DLG2: variants seen among roughly 807,000 people sequenced by gnomAD.
DLG2 encodes discs large MAGUK scaffold protein 2, also known as disks large homolog 2.
Under a neutral mutation model 132.5 loss-of-function variants are expected in DLG2, and 45 were observed. The observed-to-expected ratio is 0.34, with a 90% CI of 0.27 to 0.44. The LOEUF (loss-of-function observed/expected upper bound fraction) is 0.44, where lower values mean the gene tolerates loss of function less well. Among genes scored for constraint, DLG2 ranks in the 20% least tolerant of loss-of-function variants. The pLI is 1.00. For synonymous variants in DLG2, 424 were observed against 419.6 expected, an observed-to-expected ratio of 1.01 and a Z score of -0.13; for missense variants, 1,045 against 1,196.9, an observed-to-expected ratio of 0.87 and a Z score of 1.87.
chr11:84,211,249 T>G (rs2096750629), intron 8 of DLG2, among the ~76,000 whole-genome samples: 1 of 152,198 alleles, frequency 6.6e-6, no homozygotes, highest in Non-Finnish European at 1.5e-5. Flanking sequence ...ATTCCTCTCT[T>G]ATGGCATTCC....
At position 83,828,412 on chromosome 11, in the gene DLG2, A is replaced by G. The variant is rs1197375938; in HGVS notation, c.1722+5202T>C. Reference sequence around the variant, plus strand: ...CGTCACAAATAATAATAACAAATCTACTCGAGCATTTCCCACTACTGGTGT... The same window carrying G: ...CGTCACAAATAATAATAACAAATCTGCTCGAGCATTTCCCACTACTGGTGT... On this transcript the variant is annotated intron_variant, in intron 17 of 27. Coordinates refer to ENST00000376104, the MANE Select transcript of DLG2 (RefSeq NM_001142699.3). 2.0e-5 allele frequency among the ~76,000 whole-genome samples: 3 copies of G among 152,030 alleles called. No homozygotes were observed. In the East Asian group the frequency reaches 5.8e-4, roughly 29 times the overall value.
chr11:84,575,724 T>A (rs2099498185), intron 6 of DLG2, among the ~76,000 whole-genome samples: 1 of 152,180 alleles, frequency 6.6e-6, no homozygotes, highest in African/African-American at 2.4e-5. Context: ...AATGTATAAT[T>A]ATTATTATTG....
At chr11:84,706,994 A>AATTGCAGAACACCT (rs2059854308) in intron 6 of DLG2, among the ~76,000 whole-genome samples, 1 of 151,836 alleles carries the variant, frequency 6.6e-6, no homozygotes, top group Non-Finnish European at 1.5e-5. Flanking sequence ...GCTTATTCAA[A>AATTGCAGAACACCT]ATTGCAGAAC....
chr11:85,349,410 CT>C (rs1227973612), intron 3 of DLG2, among the ~76,000 whole-genome samples: 2 of 151,660 alleles, frequency 1.3e-5, no homozygotes, highest in East Asian at 1.9e-4. Flanking sequence ...CCTGGATGGA[CT>C]TTTTTTTATT....
chr11:84,924,015 T>A (rs1301286463), intron 6 of DLG2, among the ~76,000 whole-genome samples: 1 of 152,006 alleles, frequency 6.6e-6, no homozygotes, highest in Non-Finnish European at 1.5e-5. Flanking sequence ...TAGCAACTGC[T>A]GCTGAATGTA....
At chr11:84,378,064 G>A (rs2098736083) in intron 7 of DLG2, among the ~76,000 whole-genome samples, 4 of 152,164 alleles carry the variant, frequency 2.6e-5, no homozygotes, top group South Asian at 4.1e-4. Context: ...TAGACTGAAT[G>A]TTTATGTTCT....
chr11:84,648,397 C>G lies in DLG2; in HGVS notation c.358-113666G>C, dbSNP rs138783914. 2.6e-4 allele frequency among the ~76,000 whole-genome samples: 39 copies of G among 152,258 alleles called. No individual in the cohort carries two copies. In the East Asian group the frequency reaches 5.8e-3, roughly 23 times the overall value. On this transcript the variant is annotated intron_variant, in intron 6 of 27. Transcript: ENST00000376104. ...AATGCTAGTGCTTCCCAGTCTAATA[C>G]AGAGATGCAAGTAGATAAAATTTGT...
intron 4 of DLG2, among the ~76,000 whole-genome samples, chr11:85,184,394 T>C (rs2079942383): frequency 6.6e-6 from 1 of 151,660 alleles, no homozygotes; most frequent in Admixed American, 6.6e-5. Flanking sequence ...GGAATTTCTA[T>C]TATGCCAAGG....
At chr11:85,210,370 C>A (rs1004938911) in intron 4 of DLG2, among the ~76,000 whole-genome samples, 1 of 152,088 alleles carries the variant, frequency 6.6e-6, no homozygotes, top group Admixed American at 6.6e-5. Context: ...TCCCTCAGAG[C>A]CTTTGTATTG....
At chr11:83,866,043 C>T (rs1287896733) in intron 16 of DLG2, among the ~76,000 whole-genome samples, 1 of 152,084 alleles carries the variant, frequency 6.6e-6, no homozygotes, top group Non-Finnish European at 1.5e-5. Context: ...AGTCAGATGC[C>T]CTATTATAGG....
At position 85,121,583 on chromosome 11, in the gene DLG2, A is replaced by C. The variant is rs560645789; in HGVS notation, c.283-9848T>G. On this transcript the variant is annotated intron_variant, in intron 5 of 27. Coordinates refer to ENST00000376104, the MANE Select transcript of DLG2 (RefSeq NM_001142699.3). ...AAGTATTTTGTACTTAAATTTTAGA[A>C]ATTTCAATTATGATCATGATAATTT... 5.3e-5 allele frequency among the ~76,000 whole-genome samples: 8 copies of C among 152,152 alleles called. No homozygotes were observed. In the East Asian group the frequency reaches 1.5e-3, roughly 29 times the overall value.
rs139211985 is a variant in DLG2, at chr11:84,930,431, A to C, written c.357+181230T>G. On this transcript the variant is annotated intron_variant, in intron 6 of 27. Transcript: ENST00000376104. ...GCAGCTGGAAAAAAATTAATGAAAA[A>C]CCTCAAAAAGGCTCCAACACTGCCT... Among the ~76,000 whole-genome samples, 635 of 151,984 alleles carry C rather than the reference A, an allele frequency of 4.2e-3. 29 individuals are homozygous for C. The highest frequency in any genetic ancestry group is 0.032 in the Admixed American group (488 of 15,230).
At chr11:83,501,687 G>C (rs549026853) in intron 21 of DLG2, among the ~76,000 whole-genome samples, 14 of 152,180 alleles carry the variant, frequency 9.2e-5, no homozygotes, top group African/African-American at 3.1e-4. Context: ...CTAATTGAGG[G>C]TATTATTTTG....
At chr11:83,898,529 A>T (rs2072443108) in intron 15 of DLG2, among the ~76,000 whole-genome samples, 1 of 152,116 alleles carries the variant, frequency 6.6e-6, no homozygotes, top group African/African-American at 2.4e-5. Flanking sequence ...AGTCTATGCT[A>T]GTATTGATCA....
chr11:84,027,485 T>A (rs905359331), intron 11 of DLG2, among the ~76,000 whole-genome samples: 7 of 151,580 alleles, frequency 4.6e-5, no homozygotes, highest in African/African-American at 7.2e-5. Flanking sequence ...GAGACAAATT[T>A]AAAAAAAAAT....
At chr11:84,579,079 C>T (rs560712438) in intron 6 of DLG2, among the ~76,000 whole-genome samples, 5 of 152,220 alleles carry the variant, frequency 3.3e-5, no homozygotes, top group African/African-American at 1.2e-4. Context: ...TCTGAGGCCT[C>T]CTCAGCCATG....
intron 17 of DLG2, among the ~76,000 whole-genome samples, chr11:83,830,225 G>A (rs2054091530): frequency 6.6e-6 from 1 of 152,170 alleles, no homozygotes; most frequent in Admixed American, 6.5e-5. Context: ...GTTATATTCT[G>A]TGAATTATAA....
chr11:84,358,172 T>G (rs1039054549), intron 7 of DLG2, among the ~76,000 whole-genome samples: 1 of 151,982 alleles, frequency 6.6e-6, no homozygotes, highest in Non-Finnish European at 1.5e-5. Flanking sequence ...CACATACTCA[T>G]GCACACTTTC....
At chr11:85,565,639 A>C (rs974310671) in intron 3 of DLG2, among the ~76,000 whole-genome samples, 1 of 152,102 alleles carries the variant, frequency 6.6e-6, no homozygotes, top group African/African-American at 2.4e-5. Flanking sequence ...TCTTTCACTT[A>C]GCATAATGTT....
Sources: gnomAD v4.1 joint callset for allele counts (sites outside exome capture counted in the v4.1 genomes callset) on GRCh38, gnomAD v4.1.1 for gene constraint, MANE v1.5 for transcripts, NCBI Gene and HGNC (gene_info 2026-07-23, HGNC 2026-07-21) for gene names.